The following ANO10 variants were observed in gnomAD, a reference collection of about 807,000 sequenced individuals.
ANO10 encodes anoctamin-10.
Under a neutral mutation model 74.7 loss-of-function variants are expected in ANO10, and 77 were observed. The ratio of observed to expected loss-of-function variants is 1.03; its 90% CI spans 0.86 to 1.25. The LOEUF (loss-of-function observed/expected upper bound fraction) is 1.25, where lower values mean the gene tolerates loss of function less well. Among genes scored for constraint, ANO10 ranks in the 50% most tolerant of loss-of-function variants. The pLI, the probability that ANO10 is intolerant of heterozygous loss-of-function variation, is 0.00. For synonymous variants in ANO10, 279 were observed against 284.9 expected (o/e 0.98, Z 0.21); for missense variants, 721 against 778.1 (o/e 0.93, Z 0.87).
upstream of ANO10, among the ~76,000 whole-genome samples, chr3:43,622,767 T>A (rs901674078): frequency 6.6e-6 from 1 of 152,290 alleles, no homozygotes; most frequent in East Asian, 1.9e-4. Context: ...CCTGAGGCCC[T>A]TTCTGACCAT....
At chr3:43,466,493 A>G (rs2075633167) in intron 11 of ANO10, among the ~76,000 whole-genome samples, 2 of 152,140 alleles carry the variant, frequency 1.3e-5, no homozygotes, top group Non-Finnish European at 2.9e-5. Flanking sequence ...GAATGTAGAC[A>G]AGGTGCGAAA....
At chr3:43,514,664 C>T in intron 11 of ANO10, among the ~76,000 whole-genome samples, 1 of 152,160 alleles carries the variant, frequency 6.6e-6, no homozygotes, top group Non-Finnish European at 1.5e-5. Flanking sequence ...CCCAACAATA[C>T]CAGAATACCC....
chr3:43,376,338 T>A (rs1244088720), intron 12 of ANO10, among the ~76,000 whole-genome samples: 1 of 152,114 alleles, frequency 6.6e-6, no homozygotes, highest in African/African-American at 2.4e-5. Context: ...TGGAGAACAG[T>A]GGGCTGGGGG....
chr3:43,387,162 G>A (rs1022743203), intron 12 of ANO10, among the ~76,000 whole-genome samples: 25 of 152,142 alleles, frequency 1.6e-4, no homozygotes, highest in African/African-American at 5.1e-4. Context: ...GCTAGGCTGC[G>A]AATCTGCCCA....
chr3:43,569,106 G>A (rs1466734696), intron 7 of ANO10, among the ~76,000 whole-genome samples: 4 of 148,156 alleles, frequency 2.7e-5, no homozygotes, highest in Middle Eastern at 3.4e-3. Context: ...TAAATTCCTC[G>A]ACACATACAC....
intron 12 of ANO10, among the ~76,000 whole-genome samples, chr3:43,414,182 AAAG>A (rs1364152720): frequency 3.3e-5 from 5 of 152,306 alleles, no homozygotes; most frequent in South Asian, 2.1e-4. Flanking sequence ...ACACACACAA[AAAG>A]AAGGGCGTTC....
At chr3:43,570,354 A>T (rs2080633299) in intron 7 of ANO10, among the ~76,000 whole-genome samples, 1 of 151,508 alleles carries the variant, frequency 6.6e-6, no homozygotes. Context: ...ATATGGAACC[A>T]AAAAAGAGCC....
At chr3:43,566,475 G>A (rs911739765) in intron 7 of ANO10, among the ~76,000 whole-genome samples, 6 of 152,308 alleles carry the variant, frequency 3.9e-5, no homozygotes, top group South Asian at 2.1e-4. Flanking sequence ...CTCCCAGCAC[G>A]CAGCTGGAGA....
At chr3:43,532,470 A>AT (rs1245929031) in intron 11 of ANO10, among the ~76,000 whole-genome samples, 3 of 152,234 alleles carry the variant, frequency 2.0e-5, no homozygotes, top group Non-Finnish European at 1.5e-5. Context: ...GAGGCTATAC[A>AT]ACTGTTCATC....
chr3:43,371,796 C>T (rs1361552584), intron 12 of ANO10, among the ~76,000 whole-genome samples: 1 of 152,184 alleles, frequency 6.6e-6, no homozygotes, highest in Non-Finnish European at 1.5e-5. Flanking sequence ...CAAGCAACAG[C>T]CTGACAATTC....
chr3:43,375,334 G>A (rs2091763205), intron 12 of ANO10, among the ~76,000 whole-genome samples: 1 of 152,022 alleles, frequency 6.6e-6, no homozygotes, highest in Admixed American at 6.6e-5. Context: ...TGTAATCCCA[G>A]CTACTCGGGA....
chr3:43,490,147 C>T (rs1293360736), intron 11 of ANO10, among the ~76,000 whole-genome samples: 1 of 152,180 alleles, frequency 6.6e-6, no homozygotes, highest in African/African-American at 2.4e-5. Flanking sequence ...AGTCACTCAG[C>T]TTATAGGAGA....
At chr3:43,485,522 T>C in intron 11 of ANO10, 1 of 254,358 alleles carries the variant, frequency 3.9e-6, no homozygotes, top group South Asian at 4.9e-5. Context: ...TTGCATTCCT[T>C]GGAATCCGTG....
intron 12 of ANO10, among the ~76,000 whole-genome samples, chr3:43,392,895 C>T (rs1238119132): frequency 2.6e-5 from 4 of 152,200 alleles, no homozygotes; most frequent in Non-Finnish European, 5.9e-5. Flanking sequence ...CTAGGGTCAC[C>T]CGTGACCGCC....
intron 11 of ANO10, among the ~76,000 whole-genome samples, chr3:43,520,715 G>A (rs539675715): frequency 1.4e-4 from 22 of 152,162 alleles, no homozygotes; most frequent in African/African-American, 3.6e-4. Context: ...ATGTGAGTGC[G>A]TGTACTATTT....
chr3:43,661,817 A>G (rs1419707917), intron 1 of ANO10, among the ~76,000 whole-genome samples: 3 of 152,256 alleles, frequency 2.0e-5, no homozygotes, highest in Non-Finnish European at 4.4e-5. Flanking sequence ...GAAGGCCATT[A>G]CATAAAGGCA....
chr3:43,449,384 A>G (rs897260607), intron 11 of ANO10, among the ~76,000 whole-genome samples: 3 of 152,112 alleles, frequency 2.0e-5, no homozygotes, highest in Non-Finnish European at 4.4e-5. Flanking sequence ...AAAAGTAATT[A>G]ATTACTAAAC....
intron 12 of ANO10, among the ~76,000 whole-genome samples, chr3:43,408,305 A>T (rs1044559610): frequency 3.9e-5 from 6 of 152,252 alleles, no homozygotes; most frequent in Non-Finnish European, 7.3e-5. Context: ...AATCTTTTAA[A>T]AGCAGATTAA....
chr3:43,639,670 G>A (rs748805458), intron 1 of ANO10, among the ~76,000 whole-genome samples: 3 of 151,976 alleles, frequency 2.0e-5, no homozygotes, highest in Non-Finnish European at 4.4e-5. Context: ...CAGCTACTCA[G>A]GAGGCTGAGG....
Sources: allele counts gnomAD v4.1 joint callset (sites outside exome capture counted in the v4.1 genomes callset), GRCh38; gene constraint gnomAD v4.1.1; transcripts MANE v1.5; gene names NCBI Gene and HGNC (gene_info 2026-07-23, HGNC 2026-07-21).